CORO2B: variants seen among roughly 807,000 people sequenced by gnomAD.
CORO2B encodes coronin 2B.
A neutral mutation model predicts 58.8 loss-of-function variants in CORO2B; 26 were observed. That is an observed-to-expected ratio of 0.44 (90% CI 0.32 to 0.61). The LOEUF (loss-of-function observed/expected upper bound fraction) is 0.61, where lower values mean the gene tolerates loss of function less well. Ranked by LOEUF, CORO2B falls within the 20% of genes least tolerant of loss-of-function variation. The probability of loss-of-function intolerance (pLI) is 0.04; values close to 1 mark genes in which losing one functional copy is unlikely to be tolerated. For missense variants in CORO2B, 460 were observed against 645.1 expected (o/e 0.71, Z 3.11); for synonymous variants, 242 against 253.8 (o/e 0.95, Z 0.44).
At chr15:68,671,014 C>CCTCCAATACTCTA (rs1390414005) in intron 2 of CORO2B, among the ~76,000 whole-genome samples, 1 of 152,090 alleles carries the variant, frequency 6.6e-6, no homozygotes, top group East Asian at 1.9e-4. Flanking sequence ...TTTGCCTCAG[C>CCTCCAATACTCTA]CTTTTTAGAG....
rs1341431878 is a variant in CORO2B, at chr15:68,698,877, C to A, written c.333+3621C>A. On this transcript the variant is annotated intron_variant, in intron 3 of 11. Transcript: ENST00000261861. ...AGGCGCAGAGGGGCAGGGCCCACCC[C>A]ACCCACCAAAACGTGGTGCAGAATG... Among the ~76,000 whole-genome samples, 3 of 152,148 alleles carry A rather than the reference C, an allele frequency of 2.0e-5. No individual in the cohort carries two copies. In the East Asian group the frequency reaches 5.8e-4, roughly 29 times the overall value.
intron 2 of CORO2B, 35 bp from the exon 3 acceptor site, chr15:68,695,105 A>G: frequency 3.3e-6 from 5 of 1,528,346 alleles, no homozygotes; most frequent in Non-Finnish European, 2.7e-6. Context: ...CATCAAACTA[A>G]TCTCCTTCTC....
intron 7 of CORO2B, 21 bp downstream of exon 7, chr15:68,714,684 GC>G: frequency 6.3e-7 from 1 of 1,581,300 alleles, no homozygotes; most frequent in Non-Finnish European, 8.7e-7. Flanking sequence ...GTGGGGGAGG[GC>G]CCGGGGCAGC....
the CORO2B span, among the ~76,000 whole-genome samples, chr15:68,518,760 AG>A: frequency 6.6e-6 from 1 of 151,830 alleles, no homozygotes; most frequent in South Asian, 2.1e-4. Context: ...TCTGATGGAG[AG>A]GGGGTGGGGG....
At chr15:68,689,334 C>T (rs1892299816) in intron 2 of CORO2B, among the ~76,000 whole-genome samples, 1 of 151,916 alleles carries the variant, frequency 6.6e-6, no homozygotes, top group Admixed American at 6.6e-5. Context: ...CCTCCGAGAA[C>T]CCTACCCCTG....
At chr15:68,582,097 T>A in intron 1 of CORO2B, among the ~76,000 whole-genome samples, 1 of 152,054 alleles carries the variant, frequency 6.6e-6, no homozygotes, top group East Asian at 1.9e-4. Flanking sequence ...ATTTTCCGCC[T>A]CTCTTTCATA....
At chr15:68,600,796 C>T (rs2140239039) in intron 1 of CORO2B, among the ~76,000 whole-genome samples, 1 of 152,350 alleles carries the variant, frequency 6.6e-6, no homozygotes, top group Non-Finnish European at 1.5e-5. Context: ...CCTCCAGCTT[C>T]CTGGCCCTTG....
At chr15:68,691,327 CAAAAA>C (rs1192260415) in intron 2 of CORO2B, among the ~76,000 whole-genome samples, 1 of 9,542 alleles carries the variant, frequency 1.0e-4, no homozygotes, top group African/African-American at 1.8e-4. Flanking sequence ...GACTCCGTCT[CAAAAA>C]AAAAAAAAAA....
intron 1 of CORO2B, among the ~76,000 whole-genome samples, chr15:68,593,254 G>A (rs770075646): frequency 8.5e-5 from 13 of 152,304 alleles, no homozygotes; most frequent in Middle Eastern, 3.4e-3. Flanking sequence ...TATTCAAACC[G>A]TAGCCATGGG....
At chr15:68,699,940 C>T (rs1892600209) in intron 3 of CORO2B, among the ~76,000 whole-genome samples, 1 of 152,212 alleles carries the variant, frequency 6.6e-6, no homozygotes, top group East Asian at 1.9e-4. Flanking sequence ...GTCTGCTCTC[C>T]TCAGGGTCCA....
At chr15:68,631,242 G>A (rs1900818926) in intron 1 of CORO2B, among the ~76,000 whole-genome samples, 1 of 152,182 alleles carries the variant, frequency 6.6e-6, no homozygotes, top group South Asian at 2.1e-4. Context: ...AGTGGGTTAT[G>A]GATGGTCTCC....
intron 2 of CORO2B, among the ~76,000 whole-genome samples, chr15:68,685,560 C>T (rs903942459): frequency 6.6e-6 from 1 of 152,158 alleles, no homozygotes; most frequent in Non-Finnish European, 1.5e-5. Flanking sequence ...CAAGACCAAC[C>T]TTCAGCTGCT....
At chr15:68,534,834 A>T in the CORO2B span, among the ~76,000 whole-genome samples, 2 of 152,354 alleles carry the variant, frequency 1.3e-5, no homozygotes, top group East Asian at 3.9e-4. Flanking sequence ...GGGAGGCCTC[A>T]CAATCGTGGC....
chr15:68,561,267 C>T, the CORO2B span, among the ~76,000 whole-genome samples: 2 of 152,132 alleles, frequency 1.3e-5, no homozygotes, highest in Non-Finnish European at 2.9e-5. Flanking sequence ...CCACGCTGGG[C>T]GGCCCCCCTC....
chr15:68,604,986 C>T (rs890096660), intron 1 of CORO2B, among the ~76,000 whole-genome samples: 3 of 152,208 alleles, frequency 2.0e-5, no homozygotes, highest in African/African-American at 4.8e-5. Flanking sequence ...TGGTGGCACA[C>T]ACCTGTAATC....
At chr15:68,621,488 G>A (rs1270920081) in intron 1 of CORO2B, among the ~76,000 whole-genome samples, 1 of 152,182 alleles carries the variant, frequency 6.6e-6, no homozygotes, top group Non-Finnish European at 1.5e-5. Context: ...TTCCTGAAAG[G>A]GGACCTGCCC....
intron 2 of CORO2B, among the ~76,000 whole-genome samples, chr15:68,663,193 C>T (rs1056239082): frequency 6.6e-6 from 1 of 152,144 alleles, no homozygotes; most frequent in African/African-American, 2.4e-5. Flanking sequence ...AATTATATAT[C>T]TTGGAGATCT....
At chr15:68,720,056 G>A (rs888317692) in intron 11 of CORO2B, among the ~76,000 whole-genome samples, 3 of 152,104 alleles carry the variant, frequency 2.0e-5, no homozygotes, top group Admixed American at 6.6e-5. Flanking sequence ...GTCCCCCAGC[G>A]GTATTTCGTT....
At chr15:68,725,767 A>G in intron 11 of CORO2B, 76 bp from the exon 12 acceptor site, 1 of 1,580,678 alleles carries the variant, frequency 6.3e-7, no homozygotes, top group Non-Finnish European at 8.6e-7. Context: ...AGGCAGCTGG[A>G]GACTCACCTG....
Sources: allele counts gnomAD v4.1 joint callset (sites outside exome capture counted in the v4.1 genomes callset), GRCh38; gene constraint gnomAD v4.1.1; transcripts MANE v1.5; gene names NCBI Gene and HGNC (gene_info 2026-07-23, HGNC 2026-07-21).